The following DMD variants were observed in gnomAD, a reference collection of about 807,000 sequenced individuals.
DMD encodes the protein dystrophin, also known as mutant dystrophin.
In DMD, 63 loss-of-function variants were observed where a neutral mutation model predicts 330.1. The observed-to-expected ratio is 0.19, with a 90% CI of 0.16 to 0.24. DMD has a LOEUF of 0.24. Among genes scored for constraint, DMD ranks in the 10% least tolerant of loss-of-function variants. DMD has a pLI of 1.00. For missense variants in DMD, 3,344 were observed against 2,684.1 expected, an observed-to-expected ratio of 1.25 and a Z score of -5.43; for synonymous variants, 1,223 against 959.8, an observed-to-expected ratio of 1.27 and a Z score of -5.07.
At chrX:32,332,690 C>G (rs1032050397) in intron 41 of DMD, among the ~76,000 whole-genome samples, 1 of 110,232 alleles carries the variant, frequency 9.1e-6, no homozygotes, top group Non-Finnish European at 1.9e-5. Flanking sequence ...GGTCAGATAT[C>G]CCTTGAAATT....
intron 1 of DMD, among the ~76,000 whole-genome samples, chrX:33,319,834 A>C (rs750671870): frequency 8.0e-5 from 9 of 111,802 alleles, no homozygotes; most frequent in Non-Finnish European, 1.7e-4. Context: ...TTACATTGTA[A>C]TACTCCATTA....
intron 17 of DMD, among the ~76,000 whole-genome samples, chrX:32,543,393 CAG>C (rs1276063715): frequency 2.7e-5 from 3 of 109,668 alleles, no homozygotes; most frequent in Non-Finnish European, 5.7e-5. Context: ...CTTTTGAAGA[CAG>C]AGATTGACAT....
At chrX:33,081,650 T>C (rs940245793) in intron 1 of DMD, among the ~76,000 whole-genome samples, 24 of 112,198 alleles carry the variant, frequency 2.1e-4, no homozygotes, top group African/African-American at 7.4e-4. Flanking sequence ...AATCAGCCCG[T>C]CCTTCATGGG....
intron 1 of DMD, among the ~76,000 whole-genome samples, chrX:33,038,499 G>A (rs2094242509): frequency 9.0e-6 from 1 of 111,493 alleles, no homozygotes. Flanking sequence ...CCCGGAGCCC[G>A]GCATTGGTAG....
chrX:32,552,882 T>G (rs1173076859), intron 16 of DMD, among the ~76,000 whole-genome samples: 2 of 111,453 alleles, frequency 1.8e-5, no homozygotes, highest in African/African-American at 6.5e-5. Context: ...TTGACACCAG[T>G]GAGAATGGCT....
At chrX:32,308,583 C>A (rs941940984) in intron 42 of DMD, among the ~76,000 whole-genome samples, 2 of 110,994 alleles carry the variant, frequency 1.8e-5, no homozygotes, top group Non-Finnish European at 3.8e-5. Context: ...GGGATTCAAC[C>A]ATTTAGCTAA....
At chrX:31,301,743 C>T (rs1481858601) in intron 62 of DMD, among the ~76,000 whole-genome samples, 1 of 107,579 alleles carries the variant, frequency 9.3e-6, no homozygotes, top group Non-Finnish European at 2.0e-5. Context: ...TTGTTTTGTT[C>T]TTTTTTTGTT....
intron 53 of DMD, among the ~76,000 whole-genome samples, chrX:31,659,657 A>G (rs868045305): frequency 1.0e-5 from 1 of 98,687 alleles, no homozygotes; most frequent in Non-Finnish European, 2.1e-5. Flanking sequence ...AAAAAAAAAA[A>G]AAAAAAAAAA....
At chrX:32,634,130 C>T (rs1443502063) in intron 11 of DMD, among the ~76,000 whole-genome samples, 3 of 111,930 alleles carry the variant, frequency 2.7e-5, no homozygotes, top group African/African-American at 9.8e-5. Flanking sequence ...TGTCTCTCCT[C>T]ATGGCCACGA....
chrX:32,818,558 G>A (rs1416525651), intron 5 of DMD, among the ~76,000 whole-genome samples: 2 of 111,852 alleles, frequency 1.8e-5, no homozygotes, highest in Admixed American at 9.5e-5. Flanking sequence ...GTATTTGTGT[G>A]TGTGCGCGCA....
intron 44 of DMD, among the ~76,000 whole-genome samples, chrX:32,031,696 G>A (rs2095884725): frequency 8.9e-6 from 1 of 111,809 alleles, no homozygotes; most frequent in African/African-American, 3.2e-5. Context: ...GCATATTTCT[G>A]TTTGAAATTC....
At chrX:31,999,990 T>C (rs1165272752) in intron 44 of DMD, among the ~76,000 whole-genome samples, 1 of 112,406 alleles carries the variant, frequency 8.9e-6, no homozygotes, top group Admixed American at 9.4e-5. Context: ...AATCCAGAAA[T>C]GGAGAATTTG....
At chrX:32,252,689 T>A (rs369767441) in intron 43 of DMD, among the ~76,000 whole-genome samples, 499 of 38,607 alleles carry the variant, frequency 0.013, 23 homozygotes, top group African/African-American at 0.046. Flanking sequence ...TATATAAATA[T>A]ATATATAAAT....
intron 7 of DMD, among the ~76,000 whole-genome samples, chrX:32,802,199 T>C (rs1444355896): frequency 8.9e-6 from 1 of 111,775 alleles, no homozygotes; most frequent in Non-Finnish European, 1.9e-5. Context: ...CAGTGGTTTG[T>C]AGTTCTCCTT....
chrX:31,444,770 A>C (rs2065167205), intron 59 of DMD, 143 bp from the exon 60 acceptor site: 1 of 664,389 alleles, frequency 1.5e-6, no homozygotes, highest in Non-Finnish European at 2.3e-6. Context: ...CCCCCCTCAA[A>C]TTCCTATGTT....
intron 63 of DMD, among the ~76,000 whole-genome samples, chrX:31,227,246 G>C (rs2046702436): frequency 1.8e-5 from 2 of 111,257 alleles, no homozygotes; most frequent in Non-Finnish European, 3.8e-5. Context: ...TTCATATCAA[G>C]AATTGGCAAA....
chrX:32,058,475 T>C (rs575669843), intron 44 of DMD, among the ~76,000 whole-genome samples: 2 of 107,013 alleles, frequency 1.9e-5, no homozygotes, highest in Admixed American at 1.0e-4. Flanking sequence ...CCAACAGTTA[T>C]ATGAAAAGAT....
At chrX:32,328,534 T>C (rs1032147546) in intron 41 of DMD, among the ~76,000 whole-genome samples, 1 of 111,286 alleles carries the variant, frequency 9.0e-6, no homozygotes, top group African/African-American at 3.3e-5. Flanking sequence ...GCCATACATA[T>C]AGGAGGTGAT....
At chrX:32,662,222 G>T (rs940765477) in intron 9 of DMD, among the ~76,000 whole-genome samples, 1 of 111,011 alleles carries the variant, frequency 9.0e-6, no homozygotes, top group African/African-American at 3.3e-5. Context: ...ACACTAAAAA[G>T]GTCATCAAAT....
Sources: gnomAD v4.1 joint callset for allele counts (sites outside exome capture counted in the v4.1 genomes callset) on GRCh38, gnomAD v4.1.1 for gene constraint, MANE v1.5 for transcripts, NCBI Gene and HGNC (gene_info 2026-07-23, HGNC 2026-07-21) for gene names.